MFSD2B: variants seen among roughly 807,000 people sequenced by gnomAD.
MFSD2B encodes MFSD2 lysolipid transporter B, sphingolipid.
In MFSD2B, 56 loss-of-function variants were observed where a neutral mutation model predicts 58.4. The ratio of observed to expected loss-of-function variants is 0.96; its 90% CI spans 0.77 to 1.20. The LOEUF is 1.20. Ranked by LOEUF, MFSD2B falls within the 50% of genes most tolerant of loss-of-function variation. The pLI is 0.00. For synonymous variants in MFSD2B, 287 were observed against 294.4 expected (o/e 0.97, Z 0.26); for missense variants, 645 against 667.6 (o/e 0.97, Z 0.37).
intron 6 of MFSD2B, chr2:24,018,849 CTTTT>C (rs34543246): frequency 3.4e-5 from 4 of 116,592 alleles, no homozygotes; most frequent in African/African-American, 3.3e-5. Flanking sequence ...GCCTTTTGTG[CTTTT>C]TTTTTTTTTT....
At position 24,021,383 on chromosome 2, in the gene MFSD2B, GA is replaced by G. The variant is rs1021767399; in HGVS notation, c.682-263del. On this transcript the variant is annotated intron_variant, in intron 6 of 13. Coordinates refer to ENST00000338315, the MANE Select transcript of MFSD2B (RefSeq NM_001346880.2). The surrounding 1 kb of genome is among the most constrained non-coding windows in gnomAD (Gnocchi z 5.7). ...TCAATGTTTGCTTCATAGAATGTGG[GA>G]AGGAGCACTTTGGCTCCTGGGGCAT... Among the ~76,000 whole-genome samples the G allele has an allele frequency of 5.6e-4, 86 of 152,310 alleles. No individual in the cohort carries two copies. Among genetic ancestry groups the G allele is most frequent in the African/African-American group, 2.0e-3 (84 of 41,572 alleles).
chr2:24,014,082 G>C (rs113493700), intron 2 of MFSD2B, among the ~76,000 whole-genome samples: 1 of 151,612 alleles, frequency 6.6e-6, no homozygotes, highest in East Asian at 1.9e-4. Flanking sequence ...GCATGATCTC[G>C]GCTCACTGCA....
At position 24,023,087 on chromosome 2, in the gene MFSD2B, G is replaced by T. The variant is rs115776278; in HGVS notation, c.1060-43G>T. 0.01 allele frequency: 15,785 copies of T among 1,538,210 alleles called. 105 individuals are homozygous for T. Among genetic ancestry groups the T allele is most frequent in the Non-Finnish European group, 0.012 (13,739 of 1,116,078 alleles). ...TCGTGTGTGAAGGAGCAGGCCCCACGAAGAAGCAGGTGGCGGGACAGCTGG... is the reference window on the plus strand; with the variant it reads ...TCGTGTGTGAAGGAGCAGGCCCCACTAAGAAGCAGGTGGCGGGACAGCTGG... On this transcript the variant is annotated intron_variant, in intron 10 of 13. Transcript: ENST00000338315. The surrounding 1 kb of genome is among the most constrained non-coding windows in gnomAD (Gnocchi z 5.0).
intron 4 of MFSD2B, 21 bp downstream of exon 4, chr2:24,016,989 G>A (rs1558322128): frequency 3.7e-6 from 6 of 1,612,968 alleles, no homozygotes; most frequent in Non-Finnish European, 5.1e-6. Flanking sequence ...CCCCTTCCTG[G>A]GCCTGTGCTC....
chr2:24,021,592 T>C lies in MFSD2B; in HGVS notation c.682-56T>C, dbSNP rs1662787662. The C allele has an allele frequency of 1.3e-6, 2 of 1,516,066 alleles. No individual in the cohort carries two copies. The highest frequency in any genetic ancestry group is 3.8e-5 in the Admixed American group (2 of 53,188). The allele number at this position is 1,516,066 out of a possible 1,614,324, so 93.9% of individuals were successfully genotyped here. On this transcript the variant is annotated intron_variant, in intron 6 of 13. Transcript: ENST00000338315. This position sits in a 1 kb window ranked among gnomAD's most constrained non-coding sequence, Gnocchi z 5.7. ...GCAGTACTGCCCTGCCCCTCCGGTG[T>C]CACCACCTCCAGGGGTTGAAGACAT...
rs1173427734 is a variant in MFSD2B, at chr2:24,021,879, TGA to T, written c.805_806del (p.Ser269PhefsTer130). 6.2e-7 allele frequency: 1 copy of T among 1,613,808 alleles called. No individual in the cohort carries two copies. Among genetic ancestry groups the T allele is most frequent in the Non-Finnish European group, 8.5e-7 (1 of 1,179,852 alleles). ...TCTGCCCCAGCCTCAGGCCCAGGCT[TGA>T]GTTTCCTGGCTGGGCTGAGCCTCAC... On this transcript the variant is annotated frameshift_variant, in exon 8 of 14. Coordinates refer to ENST00000338315, the MANE Select transcript of MFSD2B (RefSeq NM_001346880.2). LOFTEE classifies it high-confidence loss of function. This position sits in a 1 kb window ranked among gnomAD's most constrained non-coding sequence, Gnocchi z 5.7.
intron 1 of MFSD2B, 188 bp from the exon 2 acceptor site, chr2:24,013,097 G>C (rs775574410): frequency 8.6e-6 from 4 of 465,260 alleles, no homozygotes; most frequent in Non-Finnish European, 1.5e-5. Context: ...TAGAGGTCAG[G>C]GTTTAGGATC....
rs371979326 is a variant in MFSD2B, at chr2:24,023,126, C to G, written c.1060-4C>G. 6.2e-7 allele frequency: 1 copy of G among 1,610,034 alleles called. No homozygotes were observed. Among genetic ancestry groups the G allele is most frequent in the Middle Eastern group, 1.7e-4 (1 of 6,060 alleles). On this transcript the variant is annotated splice_polypyrimidine_tract_variant and splice_region_variant and intron_variant, in intron 10 of 13. Coordinates refer to ENST00000338315, the MANE Select transcript of MFSD2B (RefSeq NM_001346880.2). This position sits in a 1 kb window ranked among gnomAD's most constrained non-coding sequence, Gnocchi z 5.0. ...CGGGACAGCTGGTGTGTGTGTCTCC[C>G]CAGGCGATGGTGCCCTTTGCGATCT...
chr2:24,016,680 C>G (rs1709156722), intron 3 of MFSD2B, among the ~76,000 whole-genome samples, 165 bp from the exon 4 acceptor site: 1 of 152,228 alleles, frequency 6.6e-6, no homozygotes, highest in Non-Finnish European at 1.5e-5. Context: ...CCCACTGCCT[C>G]CATGACCCAT....
intron 2 of MFSD2B, among the ~76,000 whole-genome samples, chr2:24,015,869 G>C (rs1388213253): frequency 6.6e-6 from 1 of 152,234 alleles, no homozygotes; most frequent in East Asian, 1.9e-4. Flanking sequence ...TGTCAGCCCA[G>C]AGGCACCCTC....
In MFSD2B at chr2:24,023,798, C is replaced by T. The variant is rs1662887723; in HGVS notation, c.1313+72C>T. On this transcript the variant is annotated intron_variant, in intron 12 of 13. Transcript: ENST00000338315. The surrounding 1 kb of genome is among the most constrained non-coding windows in gnomAD (Gnocchi z 5.0). ...GCAGGAAGAGGGCAAAGCCCCTCAC[C>T]TACCAAGCTCAGGGCATCCATGAGC... 6.4e-7 allele frequency: 1 copy of T among 1,559,500 alleles called. No homozygotes were observed. The highest frequency in any genetic ancestry group is 2.3e-5 in the East Asian group (1 of 44,402).
chr2:24,024,217 G>T lies in MFSD2B; in HGVS notation c.1436G>T (p.Gly479Val), dbSNP rs770498021. 1.2e-6 allele frequency: 2 copies of T among 1,613,066 alleles called. No individual in the cohort carries two copies. Among genetic ancestry groups the T allele is most frequent in the South Asian group, 1.1e-5 (1 of 90,922 alleles). The change falls in exon 13 of 14, where the codon GGC becomes GTC. Residue 479 changes from glycine (G) to valine (V), a missense_variant. Gly to Val is a moderately radical substitution (Grantham distance 109). Transcript: ENST00000338315. This position sits in a 1 kb window ranked among gnomAD's most constrained non-coding sequence, Gnocchi z 4.3. The stretch of plus-strand genomic sequence containing the variant: ...GCTGGGCTCTGCATCCTCATGGTCG[G>T]CTCCACTCCAAAGACACCCAGTCGG... ...ILAGLCILMV[G>V]STPKTPSRDA...
In MFSD2B at chr2:24,020,496, G is replaced by A. The variant is rs994039079; in HGVS notation, c.682-1152G>A. On this transcript the variant is annotated intron_variant, in intron 6 of 13. Transcript: ENST00000338315. This position sits in a 1 kb window ranked among gnomAD's most constrained non-coding sequence, Gnocchi z 4.1. ...CTGTCCCGAACTGGCTGTGACTCTC[G>A]TGCATGTCTTTATAGGCATTTTAAT... 1.3e-5 allele frequency among the ~76,000 whole-genome samples: 2 copies of A among 151,934 alleles called. No individual in the cohort carries two copies. Among genetic ancestry groups the A allele is most frequent in the East Asian group, 1.9e-4 (1 of 5,174 alleles).
In MFSD2B at chr2:24,017,675, C is replaced by T; in HGVS notation, c.681+87C>T. 7.2e-7 allele frequency: 1 copy of T among 1,394,728 alleles called. No individual in the cohort carries two copies. Among genetic ancestry groups the T allele is most frequent in the Non-Finnish European group, 9.6e-7 (1 of 1,039,342 alleles). The allele number at this position is 1,394,728 out of a possible 1,614,324, so 86.4% of individuals were successfully genotyped here. ...CCTCTAGGGCTGGTTCTCCCGTCCA[C>T]ACCACTTTGTTGTCTTTTAGGGGGC... On this transcript the variant is annotated intron_variant, in intron 6 of 13. Coordinates refer to ENST00000338315, the MANE Select transcript of MFSD2B (RefSeq NM_001346880.2). The surrounding 1 kb of genome is among the most constrained non-coding windows in gnomAD (Gnocchi z 4.8).
rs1000012917 is a variant in MFSD2B at position 24,025,943 on chromosome 2, C to A, written c.*487C>A. ...TTCACCGTGTTAGCCAGAATGGTTT[C>A]GATCTCCTGACCTCGTGATCCGCCC... On this transcript the variant is annotated 3_prime_UTR_variant, in exon 14 of 14. Coordinates refer to ENST00000338315, the MANE Select transcript of MFSD2B (RefSeq NM_001346880.2). 1 of 154,960 alleles carries A rather than the reference C, an allele frequency of 6.5e-6. No individual in the cohort carries two copies. The highest frequency in any genetic ancestry group is 1.4e-5 in the Non-Finnish European group (1 of 69,782). The allele number at this position is 154,960 out of a possible 1,614,324, so 9.6% of individuals were successfully genotyped here.
At position 24,021,500 on chromosome 2, in the gene MFSD2B, G is replaced by C. The variant is rs1351490133; in HGVS notation, c.682-148G>C. On this transcript the variant is annotated intron_variant, in intron 6 of 13. Coordinates refer to ENST00000338315, the MANE Select transcript of MFSD2B (RefSeq NM_001346880.2). The surrounding 1 kb of genome is among the most constrained non-coding windows in gnomAD (Gnocchi z 5.7). Reference sequence around the variant, plus strand: ...GCCCGGAGAGCATGCTGTCCTGTGGGGTGATTGGGAGGTGGGGACCCAGCG... The same window carrying C: ...GCCCGGAGAGCATGCTGTCCTGTGGCGTGATTGGGAGGTGGGGACCCAGCG... 7 of 673,158 alleles carry C rather than the reference G, an allele frequency of 1.0e-5. No homozygotes were observed. The highest frequency in any genetic ancestry group is 1.9e-5 in the Non-Finnish European group (7 of 377,184). 41.7% of individuals were successfully genotyped at this position (673,158 alleles called of 1,614,324 possible).
In MFSD2B at chr2:24,017,700, C is replaced by T. The variant is rs1406453898; in HGVS notation, c.681+112C>T. ...CACCACTTTGTTGTCTTTTAGGGGG[C>T]TCACTGTGCCCCCTCATTCCTTCCC... On this transcript the variant is annotated intron_variant, in intron 6 of 13. Transcript: ENST00000338315. The surrounding 1 kb of genome is among the most constrained non-coding windows in gnomAD (Gnocchi z 4.8). 5 of 1,157,454 alleles carry T rather than the reference C, an allele frequency of 4.3e-6. No homozygotes were observed. Among genetic ancestry groups the T allele is most frequent in the Non-Finnish European group, 6.0e-6 (5 of 835,076 alleles). 71.7% of individuals were successfully genotyped at this position (1,157,454 alleles called of 1,614,324 possible).
Position 24,017,135 on chromosome 2 carries a change from G to C in MFSD2B, c.472-151G>C. The C allele has an allele frequency of 7.9e-7, 1 of 1,268,790 alleles. No individual in the cohort carries two copies. The allele number at this position is 1,268,790 out of a possible 1,614,324, so 78.6% of individuals were successfully genotyped here. A position where few individuals can be genotyped will look rare whatever the true frequency, so the allele number is the denominator to read the frequency against. The stretch of plus-strand genomic sequence containing the variant: ...TGCGCGGGACTGGCTGCCCCCTCCT[G>C]CCTTTGGGACCCTAGCTCCGACTTC... On this transcript the variant is annotated intron_variant, in intron 4 of 13. Transcript: ENST00000338315. This position sits in a 1 kb window ranked among gnomAD's most constrained non-coding sequence, Gnocchi z 4.8.
rs1043370207 is a variant in MFSD2B, at chr2:24,017,171, C to G, written c.472-115C>G. ...CCTAGCTCCGACTTCAGGTGGCCAG[C>G]TGGGATATGTCACGTTGGCCTGTGG... On this transcript the variant is annotated intron_variant, in intron 4 of 13. Coordinates refer to ENST00000338315, the MANE Select transcript of MFSD2B (RefSeq NM_001346880.2). The surrounding 1 kb of genome is among the most constrained non-coding windows in gnomAD (Gnocchi z 4.8). The G allele has an allele frequency of 8.1e-5, 105 of 1,302,232 alleles. No individual in the cohort carries two copies. The highest frequency in any genetic ancestry group is 1.1e-4 in the Non-Finnish European group (100 of 944,692). 80.7% of individuals were successfully genotyped at this position (1,302,232 alleles called of 1,614,324 possible). A position where few individuals can be genotyped will look rare whatever the true frequency, so the allele number is the denominator to read the frequency against.
Sources: gnomAD v4.1 joint callset for allele counts (sites outside exome capture counted in the v4.1 genomes callset) on GRCh38, gnomAD v4.1.1 for gene constraint, Gnocchi (gnomAD v3.1) non-coding constraint, MANE v1.5 for transcripts, NCBI Gene and HGNC (gene_info 2026-07-23, HGNC 2026-07-21) for gene names.